The following HAS3 variants were observed in gnomAD, a reference collection of about 807,000 sequenced individuals.
The protein encoded by HAS3 is hyaluronan synthase 3.
In HAS3, 27 loss-of-function variants were observed where a neutral mutation model predicts 50.3. That is an observed-to-expected ratio of 0.54 (90% CI 0.40 to 0.74). The LOEUF is 0.74. Ranked by LOEUF, HAS3 falls within the 30% of genes least tolerant of loss-of-function variation. The probability of loss-of-function intolerance (pLI) is 0.00; values close to 1 mark genes in which losing one functional copy is unlikely to be tolerated. For missense variants in HAS3, 517 were observed against 742.8 expected, an observed-to-expected ratio of 0.70 and a Z score of 3.53; for synonymous variants, 339 against 310.9, an observed-to-expected ratio of 1.09 and a Z score of -0.95.
rs760984261 is a variant in HAS3, at chr16:69,115,282, G to A, written c.*16G>A. 5.3e-6 allele frequency: 8 copies of A among 1,511,040 alleles called. No individual in the cohort carries two copies. Among genetic ancestry groups the A allele is most frequent in the African/African-American group, 1.4e-5 (1 of 71,636 alleles). 93.6% of individuals were successfully genotyped at this position (1,511,040 alleles called of 1,614,324 possible). A position where few individuals can be genotyped will look rare whatever the true frequency, so the allele number is the denominator to read the frequency against. On this transcript the variant is annotated 3_prime_UTR_variant, in exon 4 of 4. Coordinates refer to ENST00000569188, the MANE Select transcript of HAS3 (RefSeq NM_001199280.2). The stretch of plus-strand genomic sequence containing the variant: ...TGAGGTGTGACATGGCCCCCAAGCA[G>A]AGCGGGTAAAGTGCAATGGGTAAGG...
chr16:69,112,135 AAAGACATCC>A (rs1385528183), intron 2 of HAS3, among the ~76,000 whole-genome samples: 2 of 152,238 alleles, frequency 1.3e-5, no homozygotes, highest in African/African-American at 4.8e-5. Flanking sequence ...GCTCAGTTAG[AAAGACATCC>A]AAGACATCCC....
chr16:69,101,360 GTA>G (rs1960694922), upstream of HAS3, among the ~76,000 whole-genome samples: 1 of 152,070 alleles, frequency 6.6e-6, no homozygotes, highest in South Asian at 2.1e-4. Context: ...GAGTGCAGTG[GTA>G]TGATCTCGGC....
chr16:69,084,049 A>G, the HAS3 span: 1 of 158,510 alleles, frequency 6.3e-6, no homozygotes, highest in East Asian at 1.8e-4. Flanking sequence ...ACCTAGCTCT[A>G]TATTCTTTCA....
At position 69,117,057 on chromosome 16, in the gene HAS3, G is replaced by A. The variant is rs571377597; in HGVS notation, c.*1791G>A. On this transcript the variant is annotated 3_prime_UTR_variant, in exon 4 of 4. Transcript: ENST00000569188. ...CACATCACACAGACCTCGAGTTTCTGGTAAGACTGCTGGTTGACATCAGAC... is the reference window on the plus strand; with the variant it reads ...CACATCACACAGACCTCGAGTTTCTAGTAAGACTGCTGGTTGACATCAGAC... 7.1e-6 allele frequency: 7 copies of A among 985,480 alleles called. No individual in the cohort carries two copies. Among genetic ancestry groups the A allele is most frequent in the Non-Finnish European group, 8.4e-6 (7 of 829,932 alleles). 61.0% of individuals were successfully genotyped at this position (985,480 alleles called of 1,614,324 possible).
At chr16:69,118,478 G>A (rs376376214), downstream of HAS3, 21 of 1,450,580 alleles carry the variant, frequency 1.4e-5, no homozygotes, top group East Asian at 2.3e-5. Flanking sequence ...TTCTCCAATG[G>A]TGAGCAGGGG....
chr16:69,115,228 A>G lies in HAS3; in HGVS notation c.1624A>G (p.Lys542Glu), dbSNP rs767900238. 6.5e-7 allele frequency: 1 copy of G among 1,542,976 alleles called. No homozygotes were observed. Among genetic ancestry groups the G allele is most frequent in the Non-Finnish European group, 8.7e-7 (1 of 1,145,826 alleles). Residue 542 changes from lysine (K) to glutamate (E), a missense_variant, in exon 4 of 4, where the codon AAG (lysine) becomes GAG (glutamate). By Grantham distance (56) the Lys-to-Glu change is moderately conservative. Transcript: ENST00000569188. ...LAIIARRCGK[K>E]PEQYSLAFAE... is the part of the protein sequence containing the mutation. ...CATCATCGCCCGGCGATGTGGGAAGAAGCCGGAGCAGTACAGCTTGGCTTT... is the reference window on the plus strand; with the variant it reads ...CATCATCGCCCGGCGATGTGGGAAGGAGCCGGAGCAGTACAGCTTGGCTTT...
chr16:69,115,165 G>A lies in HAS3; in HGVS notation c.1561G>A (p.Gly521Ser), dbSNP rs1961139596. ...AFLVSGAILY[G>S]CYWVALLMLY... is the part of the protein sequence containing the mutation. ...CCTTGTCTCTGGGGCTATACTGTAT[G>A]GCTGCTACTGGGTGGCCCTCCTCAT... is the stretch of plus-strand genomic sequence containing the variant. The change falls in exon 4 of 4, where the codon GGC (glycine) becomes AGC (serine). Residue 521 changes from glycine (G) to serine (S), a missense_variant. Coordinates refer to ENST00000569188, the MANE Select transcript of HAS3 (RefSeq NM_001199280.2). 1 of 1,598,058 alleles carries A rather than the reference G, an allele frequency of 6.3e-7. No homozygotes were observed. The highest frequency in any genetic ancestry group is 8.5e-7 in the Non-Finnish European group (1 of 1,171,404).
At chr16:69,088,131 C>T in the HAS3 span, among the ~76,000 whole-genome samples, 1 of 152,152 alleles carries the variant, frequency 6.6e-6, no homozygotes, top group Non-Finnish European at 1.5e-5. Flanking sequence ...GCAACGACAA[C>T]GATTTATCGA....
the HAS3 span, among the ~76,000 whole-genome samples, chr16:69,090,802 G>A: frequency 6.6e-6 from 1 of 152,068 alleles, no homozygotes; most frequent in African/African-American, 2.4e-5. Context: ...CAAACTCCTG[G>A]GCTCAAAAGA....
At chr16:69,101,871 G>A (rs1008118224), upstream of HAS3, among the ~76,000 whole-genome samples, 7 of 151,476 alleles carry the variant, frequency 4.6e-5, no homozygotes, top group African/African-American at 1.5e-4. Flanking sequence ...TGCAACCTCC[G>A]CCTCCCGGGT....
rs1960812042 is a variant in HAS3 at position 69,106,749 on chromosome 16, G to C, written c.-1+962G>C. 6.6e-6 allele frequency: 1 copy of C among 152,228 alleles called. No homozygotes were observed. Among genetic ancestry groups the C allele is most frequent in the East Asian group, 1.9e-4 (1 of 5,160 alleles). The allele number at this position is 152,228 out of a possible 1,614,324, so 9.4% of individuals were successfully genotyped here. ...CGCCCACGTTCCTGCGGGTTAGCCGGGCCGCGGCAGCACGTGTCCGGGGGA... is the reference window on the plus strand; with the variant it reads ...CGCCCACGTTCCTGCGGGTTAGCCGCGCCGCGGCAGCACGTGTCCGGGGGA... On this transcript the variant is annotated intron_variant, in intron 1 of 3. Coordinates refer to ENST00000569188, the MANE Select transcript of HAS3 (RefSeq NM_001199280.2). This position sits in a 1 kb window ranked among gnomAD's most constrained non-coding sequence, Gnocchi z 5.5.
rs1467261085 is a variant in HAS3 at position 69,117,572 on chromosome 16, CCTG to C, written c.*2309_*2311del. ...TAATTTGTAAACATATTTATTTTTA[CCTG>C]CTTTTTTTTTTTTTTTTAATTTTCA... On this transcript the variant is annotated 3_prime_UTR_variant, in exon 4 of 4. Transcript: ENST00000569188. 32 of 815,932 alleles carry C rather than the reference CCTG, an allele frequency of 3.9e-5. No homozygotes were observed. The highest frequency in any genetic ancestry group is 6.5e-4 in the Middle Eastern group (1 of 1,544). The allele number at this position is 815,932 out of a possible 1,614,324, so 50.5% of individuals were successfully genotyped here.
Position 69,114,498 on chromosome 16 carries a change from C to T in HAS3, c.894C>T (p.Phe298=). ...ACCGCAACAGCCTCCTCCAGCAGTT[C>T]CTGGAGGACTGGTACCATCAGAAGT... is the stretch of plus-strand genomic sequence containing the variant. ...GMYRNSLLQQ[F]LEDWYHQKFL... is the part of the protein sequence containing the mutation. The change falls in exon 4 of 4, where the codon TTC becomes TTT. Residue 298 remains phenylalanine, a synonymous_variant. Coordinates refer to ENST00000569188, the MANE Select transcript of HAS3 (RefSeq NM_001199280.2). The surrounding 1 kb of genome is among the most constrained non-coding windows in gnomAD (Gnocchi z 6.4). 1 of 1,613,218 alleles carries T rather than the reference C, an allele frequency of 6.2e-7. No homozygotes were observed.
the HAS3 span, among the ~76,000 whole-genome samples, chr16:69,099,646 A>G: frequency 6.6e-6 from 1 of 152,246 alleles, no homozygotes; most frequent in Admixed American, 6.5e-5. Context: ...GATTTTAAAG[A>G]AAACAACAAC....
intron 2 of HAS3, among the ~76,000 whole-genome samples, chr16:69,112,599 C>G (rs1403485059): frequency 2.6e-5 from 4 of 152,198 alleles, no homozygotes; most frequent in Admixed American, 6.5e-5. Flanking sequence ...CTAACAGTGA[C>G]CACAGAGTAA....
Position 69,106,954 on chromosome 16 carries a change from G to C in HAS3, c.-1+1167G>C, listed in dbSNP as rs1222778353. On this transcript the variant is annotated intron_variant, in intron 1 of 3. Transcript: ENST00000569188. The surrounding 1 kb of genome is among the most constrained non-coding windows in gnomAD (Gnocchi z 5.5). ...CCCTCAAAGTTTCGGAGGCTTGATG[G>C]AGAAGCGTGCGTCCTTGACTGGGGG... 13 of 152,426 alleles carry C rather than the reference G, an allele frequency of 8.5e-5. No homozygotes were observed. In the East Asian group the frequency reaches 2.5e-3, roughly 29 times the overall value. 9.4% of individuals were successfully genotyped at this position (152,426 alleles called of 1,614,324 possible).
the HAS3 span, among the ~76,000 whole-genome samples, chr16:69,095,168 A>G: frequency 6.6e-6 from 1 of 151,876 alleles, no homozygotes; most frequent in South Asian, 2.1e-4. Flanking sequence ...TATTTTTAGT[A>G]GAGAGAGGGT....
intron 2 of HAS3, among the ~76,000 whole-genome samples, chr16:69,110,970 AG>A (rs1311183860): frequency 1.3e-5 from 2 of 152,146 alleles, no homozygotes; most frequent in Non-Finnish European, 2.9e-5. Context: ...GAGCATCGGC[AG>A]GGGCGGGACC....
At position 69,106,886 on chromosome 16, in the gene HAS3, C is replaced by T. The variant is rs1960818645; in HGVS notation, c.-1+1099C>T. The T allele has an allele frequency of 6.6e-6, 1 of 152,210 alleles. No homozygotes were observed. The highest frequency in any genetic ancestry group is 1.5e-5 in the Non-Finnish European group (1 of 68,050). 9.4% of individuals were successfully genotyped at this position (152,210 alleles called of 1,614,324 possible). A position where few individuals can be genotyped will look rare whatever the true frequency, so the allele number is the denominator to read the frequency against. ...CATGCCGCTGCGTGTGGCCCTGCCG[C>T]GGGGCGCACCTGTCAGCGGGAGAGA... is the stretch of plus-strand genomic sequence containing the variant. On this transcript the variant is annotated intron_variant, in intron 1 of 3. Transcript: ENST00000569188. The surrounding 1 kb of genome is among the most constrained non-coding windows in gnomAD (Gnocchi z 5.5).
Sources: gnomAD v4.1 joint callset for allele counts (sites outside exome capture counted in the v4.1 genomes callset) on GRCh38, gnomAD v4.1.1 for gene constraint, Gnocchi (gnomAD v3.1) non-coding constraint, MANE v1.5 for transcripts, NCBI Gene and HGNC (gene_info 2026-07-23, HGNC 2026-07-21) for gene names.